Variants in TTN observed in about 807,000 individuals in gnomAD.
The protein encoded by TTN is titin, also known as connectin.
Under a neutral mutation model 3,223.0 loss-of-function variants are expected in TTN, and 1,525 were observed. The ratio of observed to expected loss-of-function variants is 0.47; its 90% confidence interval spans 0.45 to 0.49. The LOEUF (loss-of-function observed/expected upper bound fraction) is 0.49. TTN is among the 20% of genes least tolerant of loss of function. TTN has a pLI of 0.00. For missense variants in TTN, 40,786 were observed against 43,424.0 expected (o/e 0.94, Z 5.40); for synonymous variants, 14,094 against 15,161.0 (o/e 0.93, Z 5.17).
At position 178,569,508 on chromosome 2, in the gene TTN, C is replaced by T. The variant is rs771230325; in HGVS notation, c.76624G>A (p.Val25542Ile). The change falls in exon 326 of 363, where the codon GTT becomes ATT. Residue 25542 changes from valine (V) to isoleucine (I), a missense_variant. Val to Ile is a conservative substitution (Grantham distance 29). Coordinates refer to ENST00000589042, the MANE Select transcript of TTN (RefSeq NM_001267550.2). Reference protein sequence around the residue: ...VPIKGRPTPEVKWGKVDGEIR... With the variant: ...VPIKGRPTPEIKWGKVDGEIR... ...TCACCATCCACCTTTCCCCATTTAACTTCTGGTGTAGGACGACCTTTTATA... is the reference window on the plus strand; with the variant it reads ...TCACCATCCACCTTTCCCCATTTAATTTCTGGTGTAGGACGACCTTTTATA... The T allele has an allele frequency of 3.7e-6, 6 of 1,612,626 alleles. No homozygotes were observed. In the South Asian group the frequency reaches 5.5e-5, roughly 15 times the overall value.
At chr2:178,757,463 C>G (rs2087636797) in intron 45 of TTN, 79 bp downstream of exon 45, 1 of 1,458,998 alleles carries the variant, frequency 6.9e-7, no homozygotes, top group African/African-American at 1.4e-5. Context: ...ATAAAACAAA[C>G]AGCAGAGACT....
In TTN at chr2:178,773,664, A is replaced by G. The variant is rs565784637; in HGVS notation, c.7392T>C (p.Leu2464=). 24 of 1,613,970 alleles carry G rather than the reference A, an allele frequency of 1.5e-5. No homozygotes were observed. The East Asian group carries it at 4.9e-4, about 33-fold the overall frequency. ...CATCAGGGACTGACACCTTACATTC[A>G]AGCACAGCCTTGGTGCCTTCAATCA... is the stretch of plus-strand genomic sequence containing the variant. ...VNVIEGTKAV[L]ECKVSVPDVT... The change falls in exon 32 of 363, where the codon CTT becomes CTC. Residue 2464 remains leucine, a synonymous_variant. Transcript: ENST00000589042.
chr2:178,769,613 T>C (rs560480645), intron 37 of TTN, 66 bp downstream of exon 37: 2 of 1,306,560 alleles, frequency 1.5e-6, no homozygotes, highest in South Asian at 3.4e-5. Context: ...AGAATATCAA[T>C]GAATCTACTG....
Position 178,710,906 on chromosome 2 carries a change from G to A in TTN, c.28191C>T (p.Pro9397=). The change falls in exon 98 of 363, where the codon CCC becomes CCT. Residue 9397 remains proline, a synonymous_variant. Coordinates refer to ENST00000589042, the MANE Select transcript of TTN (RefSeq NM_001267550.2). Reference sequence around the variant, plus strand: ...CAGGGGCAAGACGGATGTCAAAGAAGGGTGGGTTCTTCCCCTCTAATAGTA... The same window carrying A: ...CAGGGGCAAGACGGATGTCAAAGAAAGGTGGGTTCTTCCCCTCTAATAGTA... The part of the protein sequence containing the change: ...RLILTEGKNP[P]FFDIRLAPVD... 1.2e-6 allele frequency: 2 copies of A among 1,613,174 alleles called. No individual in the cohort carries two copies. Among genetic ancestry groups the A allele is most frequent in the Non-Finnish European group, 1.7e-6 (2 of 1,179,234 alleles).
chr2:178,684,083 C>T lies in TTN; in HGVS notation c.32723-1G>A. ...ACAGCTCTCTTCGGTTCCTCTGGCA[C>T]TTTAAAGAGAGATTTCACTTTAAAG... On this transcript the variant is annotated splice_acceptor_variant, in intron 132 of 362. Transcript: ENST00000589042. LOFTEE classifies it high-confidence loss of function. 6.2e-7 allele frequency: 1 copy of T among 1,611,788 alleles called. No individual in the cohort carries two copies. The highest frequency in any genetic ancestry group is 8.5e-7 in the Non-Finnish European group (1 of 1,178,986).
chr2:178,545,589 T>A lies in TTN; in HGVS notation c.95521A>T (p.Asn31841Tyr). 1 of 1,613,788 alleles carries A rather than the reference T, an allele frequency of 6.2e-7. No homozygotes were observed. The highest frequency in any genetic ancestry group is 8.5e-7 in the Non-Finnish European group (1 of 1,179,722). Reference protein sequence around the residue: ...PESDGGNEISNYLVDKREKKS... With the variant: ...PESDGGNEISYYLVDKREKKS... ...TTCTCACGTTTGTCTACTAGGTAGTTGCTGATTTCATTGCCACCATCAGAT... is the reference window on the plus strand; with the variant it reads ...TTCTCACGTTTGTCTACTAGGTAGTAGCTGATTTCATTGCCACCATCAGAT... Residue 31841 changes from asparagine to tyrosine, a missense_variant, in exon 344 of 363, where the codon AAC becomes TAC. Asn to Tyr is a moderately radical substitution (Grantham distance 143). Transcript: ENST00000589042.
intron 354 of TTN, 43 bp downstream of exon 354, chr2:178,538,497 G>T: frequency 6.4e-7 from 1 of 1,553,038 alleles, no homozygotes. Flanking sequence ...GCCTTAACTT[G>T]TTTAGTTTGT....
In TTN at chr2:178,736,158, T is replaced by A. The variant is rs554566426; in HGVS notation, c.14372-84A>T. Reference sequence around the variant, plus strand: ...TATATATTCCAAGACAGAGAAAAGATGAGTTAAGTCTTTAGATAGACATGA... The same window carrying A: ...TATATATTCCAAGACAGAGAAAAGAAGAGTTAAGTCTTTAGATAGACATGA... On this transcript the variant is annotated intron_variant, in intron 49 of 362. Coordinates refer to ENST00000589042, the MANE Select transcript of TTN (RefSeq NM_001267550.2). The A allele has an allele frequency of 3.8e-5, 48 of 1,267,136 alleles. 1 individual carries two copies. Among genetic ancestry groups the A allele is most frequent in the South Asian group, 3.6e-4 (23 of 63,684 alleles). 78.5% of individuals were successfully genotyped at this position (1,267,136 alleles called of 1,614,324 possible).
chr2:178,541,355 G>A lies in TTN; in HGVS notation c.97722C>T (p.Val32574=), dbSNP rs376890000. Residue 32574 remains valine, a synonymous_variant, in exon 350 of 363, where the codon GTC becomes GTT. Transcript: ENST00000589042. ...LTEGLEYEHR[V]TAINARGSGK... ...CAGACCCTCTTGCATTAATGGCTGT[G>A]ACACGGTGTTCATATTCTAAGCCTT... 4 of 1,594,400 alleles carry A rather than the reference G, an allele frequency of 2.5e-6. No individual in the cohort carries two copies. Among genetic ancestry groups the A allele is most frequent in the Non-Finnish European group, 3.4e-6 (4 of 1,169,102 alleles).
chr2:178,684,486 G>T, intron 131 of TTN, 73 bp from the exon 132 acceptor site: 1 of 1,494,782 alleles, frequency 6.7e-7, no homozygotes, highest in Non-Finnish European at 9.2e-7. Flanking sequence ...AGAAAGTACT[G>T]TGATTTTAGA....
chr2:178,748,541 T>G lies in TTN; in HGVS notation c.11311+4583A>C, dbSNP rs139172299. 4.3e-4 allele frequency: 693 copies of G among 1,613,092 alleles called. 10 individuals carry two copies. The East Asian group carries it at 0.012, about 27-fold the overall frequency. On this transcript the variant is annotated intron_variant, in intron 47 of 362. Transcript: ENST00000589042. Reference sequence around the variant, plus strand: ...TGGATCTCCTATATGAGAATACATTTGTTTTAGATCAAATACAATGTTCTC... The same window carrying G: ...TGGATCTCCTATATGAGAATACATTGGTTTTAGATCAAATACAATGTTCTC...
chr2:178,686,740 C>T (rs1435819433), intron 127 of TTN, among the ~76,000 whole-genome samples: 2 of 152,164 alleles, frequency 1.3e-5, no homozygotes, highest in Non-Finnish European at 2.9e-5. Flanking sequence ...ATAGAAGTGT[C>T]TGGTTAAAAA....
intron 240 of TTN, among the ~76,000 whole-genome samples, chr2:178,628,191 T>G (rs2059321993): frequency 6.6e-6 from 1 of 151,912 alleles, no homozygotes; most frequent in Non-Finnish European, 1.5e-5. Flanking sequence ...AATACTAGTT[T>G]TGTTGTTGTT....
chr2:178,618,519 T>G (rs1466539980), intron 251 of TTN, 28 bp from the exon 252 acceptor site: 1 of 1,609,638 alleles, frequency 6.2e-7, no homozygotes, highest in East Asian at 2.2e-5. Context: ...AGGAATTTTT[T>G]TAGTGTGCTG....
At position 178,721,197 on chromosome 2, in the gene TTN, G is replaced by A; in HGVS notation, c.22822C>T (p.Pro7608Ser). The A allele has an allele frequency of 6.3e-7, 1 of 1,592,328 alleles. No individual in the cohort carries two copies. ...CSAQLSVKEPPKFVKKLEASK... is the reference protein window; with the variant it reads ...CSAQLSVKEPSKFVKKLEASK... ...GCTTCTAATTTCTTAACAAACTTTGGAGGTTCTAGTAAACCAAACAAAACA... is the reference window on the plus strand; with the variant it reads ...GCTTCTAATTTCTTAACAAACTTTGAAGGTTCTAGTAAACCAAACAAAACA... The change falls in exon 79 of 363, where the codon CCA becomes TCA. Residue 7608 changes from proline (P) to serine (S), a missense_variant. Physicochemically the swap from Pro to Ser is moderately conservative, Grantham distance 74. Transcript: ENST00000589042.
chr2:178,670,941 C>A lies in TTN; in HGVS notation c.35308+149G>T. Reference sequence around the variant, plus strand: ...GGTAGAACTTCCCTTGGACCCTCAGCTGCTTTAAAGATATTAGTTTGTTTT... The same window carrying A: ...GGTAGAACTTCCCTTGGACCCTCAGATGCTTTAAAGATATTAGTTTGTTTT... On this transcript the variant is annotated intron_variant, in intron 156 of 362. Transcript: ENST00000589042. 5.0e-6 allele frequency: 3 copies of A among 605,606 alleles called. No homozygotes were observed. In the South Asian group the frequency reaches 7.1e-5, roughly 14 times the overall value. The allele number at this position is 605,606 out of a possible 1,614,324, so 37.5% of individuals were successfully genotyped here. A position where few individuals can be genotyped will look rare whatever the true frequency, so the allele number is the denominator to read the frequency against.
chr2:178,758,960 G>A, intron 44 of TTN, 24 bp downstream of exon 44: 2 of 1,608,424 alleles, frequency 1.2e-6, no homozygotes, highest in Non-Finnish European at 8.5e-7. Context: ...TTTAAATGGG[G>A]TTCTGAAAGT....
chr2:178,596,103 G>A (rs540333537), intron 294 of TTN, among the ~76,000 whole-genome samples: 1 of 148,548 alleles, frequency 6.7e-6, no homozygotes, highest in Non-Finnish European at 1.5e-5. Context: ...CAATTCTCCT[G>A]CCTCAGCCTC....
chr2:178,747,102 C>G (rs775039048), intron 47 of TTN: 4 of 1,609,898 alleles, frequency 2.5e-6, no homozygotes, highest in Non-Finnish European at 3.4e-6. Flanking sequence ...AGAGTCTCTC[C>G]TGGGGGTGTG....
Sources: allele counts gnomAD v4.1 joint callset (sites outside exome capture counted in the v4.1 genomes callset), GRCh38; gene constraint gnomAD v4.1.1; transcripts MANE v1.5; gene names NCBI Gene and HGNC (gene_info 2026-07-23, HGNC 2026-07-21).